The following YAF2 variants were observed in gnomAD, a reference collection of about 807,000 sequenced individuals.
YAF2 encodes the protein YY1 associated factor 2.
A neutral mutation model predicts 20.1 loss-of-function variants in YAF2; 7 were observed. That is an observed-to-expected ratio of 0.35 (90% CI 0.20 to 0.65). YAF2 has a LOEUF of 0.65. YAF2 is among the 30% of genes least tolerant of loss of function. The probability of loss-of-function intolerance (pLI) is 0.69; values close to 1 mark genes in which losing one functional copy is unlikely to be tolerated. For synonymous variants in YAF2, 74 were observed against 76.0 expected (o/e 0.97, Z 0.14); for missense variants, 151 against 219.2 (o/e 0.69, Z 1.96).
chr12:42,169,963 T>G (rs2066005691), intron 2 of YAF2, among the ~76,000 whole-genome samples: 1 of 152,048 alleles, frequency 6.6e-6, no homozygotes, highest in Admixed American at 6.6e-5. Context: ...CTCAACCTTC[T>G]GGGTTCAAGC....
intron 2 of YAF2, among the ~76,000 whole-genome samples, chr12:42,227,866 C>G (rs1249848584): frequency 8.3e-5 from 11 of 133,046 alleles, no homozygotes; most frequent in Admixed American, 2.9e-4. Context: ...CCCCCCGCCC[C>G]GCCAGCCGCC....
Position 42,198,541 on chromosome 12 carries a change from G to A in YAF2, c.153-36776C>T, listed in dbSNP as rs549375357. Among the ~76,000 whole-genome samples, 44 of 152,268 alleles carry A rather than the reference G, an allele frequency of 2.9e-4. 1 individual carries two copies. The South Asian group carries it at 6.4e-3, about 22-fold the overall frequency. ...GCGCAGGTTGCAGTGAGCTGAGATC[G>A]TACCACTGCACTCCAGCCTGGGCAA... On this transcript the variant is annotated intron_variant, in intron 2 of 3. Coordinates refer to ENST00000534854, the MANE Select transcript of YAF2 (RefSeq NM_005748.6).
At position 42,159,012 on chromosome 12, in the gene YAF2, T is replaced by G. The variant is rs2065750149; in HGVS notation, c.*1577A>C. ...TTATAATAAACACAAATTTTAATTT[T>G]TCATTTAACAACACTAAAGAATGAG... On this transcript the variant is annotated 3_prime_UTR_variant, in exon 4 of 4. Coordinates refer to ENST00000534854, the MANE Select transcript of YAF2 (RefSeq NM_005748.6). 6.6e-6 allele frequency: 1 copy of G among 152,162 alleles called. No individual in the cohort carries two copies. Among genetic ancestry groups the G allele is most frequent in the Non-Finnish European group, 1.5e-5 (1 of 67,998 alleles). The allele number at this position is 152,162 out of a possible 1,614,324, so 9.4% of individuals were successfully genotyped here.
At chr12:42,167,772 A>G (rs1279963917) in intron 2 of YAF2, among the ~76,000 whole-genome samples, 4 of 152,170 alleles carry the variant, frequency 2.6e-5, no homozygotes, top group Admixed American at 2.6e-4. Context: ...TTGGGAGGCC[A>G]ACGCGGGCAG....
chr12:42,232,089 A>C (rs2067999520), intron 2 of YAF2: 1 of 152,212 alleles, frequency 6.6e-6, no homozygotes, highest in Non-Finnish European at 1.5e-5. Flanking sequence ...ATTTGGTCAG[A>C]CAGAATATTT....
intron 2 of YAF2, among the ~76,000 whole-genome samples, chr12:42,184,024 A>G (rs970942175): frequency 3.3e-5 from 5 of 152,228 alleles, no homozygotes; most frequent in Admixed American, 2.6e-4. Context: ...CAAAGCCTGG[A>G]TGATAGCACA....
rs1010854501 is a variant in YAF2 at position 42,230,567 on chromosome 12, A to C, written c.152+7032T>G. Among the ~76,000 whole-genome samples, 4 of 152,210 alleles carry C rather than the reference A, an allele frequency of 2.6e-5. No individual in the cohort carries two copies. In the South Asian group the frequency reaches 8.3e-4, roughly 31 times the overall value. On this transcript the variant is annotated intron_variant, in intron 2 of 3. Coordinates refer to ENST00000534854, the MANE Select transcript of YAF2 (RefSeq NM_005748.6). ...ATGTTAGTAGCATTCCAAAGGAGAG[A>C]CCAATTTGTCCAATAGTTCATGACA...
Position 42,160,576 on chromosome 12 carries a change from GA to G in YAF2, c.*12del. 1 of 1,603,398 alleles carries G rather than the reference GA, an allele frequency of 6.2e-7. No individual in the cohort carries two copies. The highest frequency in any genetic ancestry group is 8.5e-7 in the Non-Finnish European group (1 of 1,171,860). On this transcript the variant is annotated 3_prime_UTR_variant, in exon 4 of 4. Coordinates refer to ENST00000534854, the MANE Select transcript of YAF2 (RefSeq NM_005748.6). ...TAGGACAGAAGTGACTAAGAAATTG[GA>G]GAAAATAAACTTTAATGAGATTCTC...
intron 2 of YAF2, among the ~76,000 whole-genome samples, chr12:42,221,198 A>G (rs2067501090): frequency 6.6e-6 from 1 of 152,180 alleles, no homozygotes; most frequent in Admixed American, 6.5e-5. Flanking sequence ...AGATCTAGGT[A>G]TAGGCAAAAT....
chr12:42,167,574 T>A (rs948379405), intron 2 of YAF2, among the ~76,000 whole-genome samples: 11 of 152,246 alleles, frequency 7.2e-5, no homozygotes, highest in African/African-American at 2.7e-4. Context: ...CATTTGTGTA[T>A]CTACATATTA....
chr12:42,210,168 T>G (rs2067165535), intron 2 of YAF2, among the ~76,000 whole-genome samples: 1 of 152,188 alleles, frequency 6.6e-6, no homozygotes, highest in Admixed American at 6.5e-5. Flanking sequence ...GTCATACTTT[T>G]TACTCATACA....
chr12:42,237,568 C>T, intron 2 of YAF2, 31 bp downstream of exon 2: 1 of 1,490,218 alleles, frequency 6.7e-7, no homozygotes, highest in African/African-American at 1.4e-5. Context: ...CCCCGCCGGC[C>T]GGCGGCGCGA....
At chr12:42,206,630 G>T (rs1482532914) in intron 2 of YAF2, among the ~76,000 whole-genome samples, 1 of 150,454 alleles carries the variant, frequency 6.6e-6, no homozygotes, top group African/African-American at 2.4e-5. Context: ...AAAAGTAACT[G>T]AAATTTTAAG....
intron 2 of YAF2, among the ~76,000 whole-genome samples, chr12:42,214,260 T>C (rs1217464711): frequency 1.3e-5 from 2 of 152,166 alleles, no homozygotes; most frequent in African/African-American, 2.4e-5. Context: ...ACTACAACTC[T>C]TTCACAAATA....
chr12:42,235,234 T>TTGCCAACC (rs1565667423), intron 2 of YAF2: 1 of 996,682 alleles, frequency 1.0e-6, no homozygotes, highest in African/African-American at 1.7e-5. Flanking sequence ...CAGTCTTGGC[T>TTGCCAACC]TTAGTACTTG....
At chr12:42,220,873 A>G (rs2067492320) in intron 2 of YAF2, among the ~76,000 whole-genome samples, 1 of 152,218 alleles carries the variant, frequency 6.6e-6, no homozygotes, top group African/African-American at 2.4e-5. Context: ...TGATTATATT[A>G]CTATCAGTGA....
intron 2 of YAF2, among the ~76,000 whole-genome samples, chr12:42,162,268 T>C (rs1256649666): frequency 6.6e-6 from 1 of 152,202 alleles, no homozygotes; most frequent in African/African-American, 2.4e-5. Context: ...TCCTTTAAGT[T>C]TCTTACATCT....
At chr12:42,165,979 G>A (rs1361951671) in intron 2 of YAF2, among the ~76,000 whole-genome samples, 1 of 151,742 alleles carries the variant, frequency 6.6e-6, no homozygotes, top group African/African-American at 2.4e-5. Context: ...GTGCGGTGGC[G>A]TGATCTTGGC....
At chr12:42,199,026 T>A (rs1193493286) in intron 2 of YAF2, 1 of 517,294 alleles carries the variant, frequency 1.9e-6, no homozygotes, top group African/African-American at 2.0e-5. Flanking sequence ...TTCATGTGAC[T>A]ATTTTAACAT....
Sources: allele counts gnomAD v4.1 joint callset (sites outside exome capture counted in the v4.1 genomes callset), GRCh38; gene constraint gnomAD v4.1.1; transcripts MANE v1.5; gene names NCBI Gene and HGNC (gene_info 2026-07-23, HGNC 2026-07-21).